The following KCNN3 variants were observed in gnomAD, a reference collection of about 807,000 sequenced individuals.
KCNN3 encodes small conductance calcium-activated potassium channel protein 3.
In KCNN3, 16 loss-of-function variants were observed where a neutral mutation model predicts 62.9. The ratio of observed to expected loss-of-function variants is 0.25; its 90% CI spans 0.17 to 0.39. The LOEUF is 0.39. Ranked by LOEUF, KCNN3 falls within the 10% of genes least tolerant of loss-of-function variation. The pLI is 1.00. For synonymous variants in KCNN3, 370 were observed against 389.2 expected (o/e 0.95, Z 0.58); for missense variants, 599 against 949.4 (o/e 0.63, Z 4.85).
chr1:154,699,493 T>C lies in KCNN3; in HGVS notation c.*8483A>G, dbSNP rs1699807882. Reference sequence around the variant, plus strand: ...ACATATTTATACTGACCTCTTTAGATTGAAGTCCAAGGCACTTTTTACAAT... The same window carrying C: ...ACATATTTATACTGACCTCTTTAGACTGAAGTCCAAGGCACTTTTTACAAT... On this transcript the variant is annotated 3_prime_UTR_variant, in exon 8 of 8. Transcript: ENST00000271915. The C allele has an allele frequency of 6.6e-6, 1 of 152,212 alleles. No homozygotes were observed. Among genetic ancestry groups the C allele is most frequent in the Non-Finnish European group, 1.5e-5 (1 of 68,024 alleles). The allele number at this position is 152,212 out of a possible 1,614,324, so 9.4% of individuals were successfully genotyped here.
At chr1:154,859,136 A>G (rs1652654525) in intron 1 of KCNN3, among the ~76,000 whole-genome samples, 1 of 152,252 alleles carries the variant, frequency 6.6e-6, no homozygotes, top group Non-Finnish European at 1.5e-5. Flanking sequence ...GGGAGAAGGT[A>G]ACATCACCCA....
At chr1:154,864,031 G>A (rs981680676) in intron 1 of KCNN3, among the ~76,000 whole-genome samples, 5 of 152,120 alleles carry the variant, frequency 3.3e-5, no homozygotes, top group Non-Finnish European at 5.9e-5. Context: ...CCATTTTCAC[G>A]CTGTCAAAAG....
chr1:154,795,949 G>T (rs1649718681), intron 2 of KCNN3, among the ~76,000 whole-genome samples: 1 of 152,216 alleles, frequency 6.6e-6, no homozygotes, highest in Non-Finnish European at 1.5e-5. Flanking sequence ...AGTCTAGACT[G>T]TATTCTAAGG....
chr1:154,711,026 G>A (rs1267954760), intron 7 of KCNN3, among the ~76,000 whole-genome samples: 5 of 152,110 alleles, frequency 3.3e-5, no homozygotes, highest in African/African-American at 1.2e-4. Flanking sequence ...TCATGCTGCT[G>A]TAAAGACACA....
At chr1:154,782,652 C>T (rs1029597231) in intron 2 of KCNN3, among the ~76,000 whole-genome samples, 2 of 152,244 alleles carry the variant, frequency 1.3e-5, no homozygotes, top group Non-Finnish European at 2.9e-5. Context: ...TAGCTATTCC[C>T]TTTTGTGTCA....
At chr1:154,853,813 A>G (rs139589338) in intron 1 of KCNN3, among the ~76,000 whole-genome samples, 2,395 of 152,176 alleles carry the variant, frequency 0.016, 21 homozygotes, top group Middle Eastern at 0.041. Flanking sequence ...GCATGGTGGT[A>G]TGTGCCTGCA....
chr1:154,713,384 C>A, intron 7 of KCNN3, 80 bp downstream of exon 7: 1 of 1,225,688 alleles, frequency 8.2e-7, no homozygotes, highest in South Asian at 1.2e-5. Context: ...CAGTGCGAAC[C>A]CAGCCAGGAC....
At chr1:154,756,296 GGAGGAA>G (rs974004269) in intron 3 of KCNN3, among the ~76,000 whole-genome samples, 16 of 152,056 alleles carry the variant, frequency 1.1e-4, no homozygotes, top group East Asian at 1.9e-4. Context: ...AGGAGGAGGA[GGAGGAA>G]GAGGAAGAGG....
chr1:154,842,728 C>T (rs1651891301), intron 1 of KCNN3, among the ~76,000 whole-genome samples: 1 of 151,658 alleles, frequency 6.6e-6, no homozygotes, highest in Non-Finnish European at 1.5e-5. Context: ...CAACCTCTCC[C>T]CTTGCATATA....
intron 1 of KCNN3, among the ~76,000 whole-genome samples, chr1:154,838,429 A>T (rs1041640919): frequency 5.3e-5 from 8 of 152,150 alleles, no homozygotes; most frequent in African/African-American, 1.9e-4. Flanking sequence ...GGATGAAGGC[A>T]GACCCCCTAA....
At chr1:154,841,413 A>G (rs1218572) in intron 1 of KCNN3, among the ~76,000 whole-genome samples, 147,319 of 152,232 alleles carry the variant, frequency 0.97, 71,482 homozygotes, top group East Asian at 1. Context: ...ACCTCAGGGC[A>G]GTGACATCAG....
intron 3 of KCNN3, among the ~76,000 whole-genome samples, chr1:154,765,979 T>C (rs896568117): frequency 1.3e-5 from 2 of 152,056 alleles, no homozygotes; most frequent in African/African-American, 4.8e-5. Flanking sequence ...CTTTTTGTTT[T>C]TCATAATTAA....
chr1:154,827,943 G>A (rs1651205240), intron 1 of KCNN3, among the ~76,000 whole-genome samples: 1 of 152,154 alleles, frequency 6.6e-6, no homozygotes, highest in Non-Finnish European at 1.5e-5. Context: ...TGAATGAAGT[G>A]ACAGAATGAA....
intron 1 of KCNN3, among the ~76,000 whole-genome samples, chr1:154,844,223 A>G (rs78212828): frequency 2.2e-4 from 33 of 152,326 alleles, no homozygotes; most frequent in Non-Finnish European, 4.0e-4. Flanking sequence ...TAATTCATGC[A>G]TTATTAGTAC....
At chr1:154,846,603 C>T (rs937204434) in intron 1 of KCNN3, among the ~76,000 whole-genome samples, 7 of 152,180 alleles carry the variant, frequency 4.6e-5, no homozygotes, top group Admixed American at 3.9e-4. Flanking sequence ...CACCGGGAGC[C>T]GATTGCTCCC....
At chr1:154,709,643 C>T (rs1700033700) in intron 7 of KCNN3, among the ~76,000 whole-genome samples, 2 of 152,352 alleles carry the variant, frequency 1.3e-5, no homozygotes, top group South Asian at 4.1e-4. Context: ...GGAAAGGTCA[C>T]AAGGTGGCAT....
At chr1:154,722,872 C>T (rs1175122690) in intron 5 of KCNN3, among the ~76,000 whole-genome samples, 3 of 152,016 alleles carry the variant, frequency 2.0e-5, no homozygotes, top group African/African-American at 7.3e-5. Flanking sequence ...GCTGGGATTA[C>T]AGGTGTGTGC....
At chr1:154,780,741 G>T (rs1434388879) in intron 2 of KCNN3, among the ~76,000 whole-genome samples, 3 of 151,988 alleles carry the variant, frequency 2.0e-5, no homozygotes, top group Non-Finnish European at 2.9e-5. Context: ...GGAGCTGATT[G>T]CCAGTGACGA....
intron 3 of KCNN3, among the ~76,000 whole-genome samples, chr1:154,760,945 C>T (rs1211330920): frequency 6.6e-6 from 1 of 152,226 alleles, no homozygotes; most frequent in African/African-American, 2.4e-5. Context: ...CCCTTCAAGA[C>T]GGAACTTGCA....
Sources: gnomAD v4.1 joint callset for allele counts (sites outside exome capture counted in the v4.1 genomes callset) on GRCh38, gnomAD v4.1.1 for gene constraint, MANE v1.5 for transcripts, NCBI Gene and HGNC (gene_info 2026-07-23, HGNC 2026-07-21) for gene names.